Variants in GATM observed in about 807,000 individuals in gnomAD.
GATM encodes the protein glycine amidinotransferase, mitochondrial.
A neutral mutation model predicts 54.2 loss-of-function variants in GATM; 23 were observed. That is an observed-to-expected ratio of 0.42 (90% CI 0.31 to 0.60). The LOEUF (loss-of-function observed/expected upper bound fraction) is 0.60. GATM is among the 20% of genes least tolerant of loss of function. GATM has a pLI of 0.14. For missense variants in GATM, 401 were observed against 544.9 expected (o/e 0.74, Z 2.63); for synonymous variants, 168 against 183.1 (o/e 0.92, Z 0.67).
chr15:45,383,077 C>G (rs1440568639), upstream of GATM, among the ~76,000 whole-genome samples: 1 of 152,112 alleles, frequency 6.6e-6, no homozygotes, highest in African/African-American at 2.4e-5. Flanking sequence ...CCAGTATATC[C>G]CTAGCACAGT....
chr15:45,401,605 T>C (rs1326225100), intron 1 of GATM, among the ~76,000 whole-genome samples: 6 of 152,118 alleles, frequency 3.9e-5, no homozygotes, highest in Non-Finnish European at 7.4e-5. Flanking sequence ...CTTAATAACG[T>C]AGATAGGTAT....
At chr15:45,394,201 T>C (rs1032080815) in intron 3 of GATM, among the ~76,000 whole-genome samples, 5 of 152,166 alleles carry the variant, frequency 3.3e-5, no homozygotes, top group Non-Finnish European at 5.9e-5. Flanking sequence ...TCAGCAGCAT[T>C]AGATCATCAT....
chr15:45,363,703 G>GACGC (rs1889402233), intron 8 of GATM, 197 bp downstream of exon 8: 1 of 609,878 alleles, frequency 1.6e-6, no homozygotes, highest in East Asian at 2.7e-5. Context: ...AGGAGCTCAG[G>GACGC]ATGCATCTCC....
At chr15:45,363,869 T>C in intron 8 of GATM, 31 bp downstream of exon 8, 5 of 1,262,086 alleles carry the variant, frequency 4.0e-6, no homozygotes, top group South Asian at 1.2e-5. Context: ...CGTTTTCATG[T>C]ATGACAACAT....
intron 3 of GATM, among the ~76,000 whole-genome samples, chr15:45,383,763 C>T (rs775493537): frequency 6.6e-6 from 1 of 152,074 alleles, no homozygotes; most frequent in East Asian, 1.9e-4. Context: ...AGGCTGGTCT[C>T]GAACTCCTGA....
Position 45,362,226 on chromosome 15 carries a change from A to G in GATM, c.1160-5T>C. The G allele has an allele frequency of 6.5e-7, 1 of 1,540,580 alleles. No homozygotes were observed. Among genetic ancestry groups the G allele is most frequent in the Non-Finnish European group, 9.0e-7 (1 of 1,113,142 alleles). On this transcript the variant is annotated splice_polypyrimidine_tract_variant and splice_region_variant and intron_variant, in intron 8 of 8. Transcript: ENST00000396659. Reference sequence around the variant, plus strand: ...TAACTTTAATGGTAGTGATACCTGCATTGAAAGAGAGATGAGGTCAGTTAG... The same window carrying G: ...TAACTTTAATGGTAGTGATACCTGCGTTGAAAGAGAGATGAGGTCAGTTAG...
intron 3 of GATM, among the ~76,000 whole-genome samples, chr15:45,385,039 C>G (rs67744121): frequency 0.32 from 48,679 of 152,066 alleles, 8,900 homozygotes; most frequent in East Asian, 0.83. Flanking sequence ...ACTGGTTGTG[C>G]TAGTCAGACA....
At chr15:45,377,118 T>C in intron 1 of GATM, 1 of 476,376 alleles carries the variant, frequency 2.1e-6, no homozygotes, top group Non-Finnish European at 4.0e-6. Flanking sequence ...CAGAATGCAA[T>C]TCCTGCACTC....
At position 45,376,582 on chromosome 15, in the gene GATM, G is replaced by C. The variant is rs1162718544; in HGVS notation, c.288+19C>G. 1 of 1,610,780 alleles carries C rather than the reference G, an allele frequency of 6.2e-7. No homozygotes were observed. The highest frequency in any genetic ancestry group is 1.3e-5 in the African/African-American group (1 of 74,868). On this transcript the variant is annotated intron_variant, in intron 2 of 8. Coordinates refer to ENST00000396659, the MANE Select transcript of GATM (RefSeq NM_001482.3). ...GAGGAGGGAGCGCACTTTCAGACAT[G>C]TGAATAGCCTTCCTTTACCTTCACC...
At chr15:45,377,273 T>C (rs1253872576) in intron 1 of GATM, 1 of 464,232 alleles carries the variant, frequency 2.2e-6, no homozygotes, top group South Asian at 1.6e-5. Flanking sequence ...TTAGGCTTTT[T>C]ATTTATTTTT....
chr15:45,378,467 C>G lies in GATM; in HGVS notation c.-14G>C, dbSNP rs746950922. 18 of 1,433,612 alleles carry G rather than the reference C, an allele frequency of 1.3e-5. No homozygotes were observed. Among genetic ancestry groups the G allele is most frequent in the Non-Finnish European group, 1.6e-5 (18 of 1,099,916 alleles). The allele number at this position is 1,433,612 out of a possible 1,614,324, so 88.8% of individuals were successfully genotyped here. ...CACCCGCAGCATCGCCCTGGCCCGG[C>G]TGGTCCACGCGCGGAATGTTCCTGG... is the stretch of plus-strand genomic sequence containing the variant. On this transcript the variant is annotated 5_prime_UTR_variant, in exon 1 of 9. Transcript: ENST00000396659.
At chr15:45,389,096 A>T (rs1889839163) in intron 3 of GATM, among the ~76,000 whole-genome samples, 1 of 152,242 alleles carries the variant, frequency 6.6e-6, no homozygotes, top group South Asian at 2.1e-4. Context: ...TCCTTAGGGG[A>T]TATCATCATG....
At chr15:45,392,936 C>A (rs1009194073) in intron 3 of GATM, among the ~76,000 whole-genome samples, 4 of 152,132 alleles carry the variant, frequency 2.6e-5, no homozygotes, top group Admixed American at 6.5e-5. Flanking sequence ...TGACATAGAA[C>A]AATCTCTAGC....
intron 2 of GATM, 54 bp from the exon 3 acceptor site, chr15:45,369,575 G>C: frequency 6.7e-7 from 1 of 1,503,314 alleles, no homozygotes; most frequent in Non-Finnish European, 9.2e-7. Flanking sequence ...TACAGCTCAT[G>C]ATAGGTTCAT....
chr15:45,377,005 CTTGT>C (rs762238340), intron 1 of GATM, 186 bp from the exon 2 acceptor site: 2 of 639,494 alleles, frequency 3.1e-6, no homozygotes, highest in South Asian at 3.6e-5. Context: ...TTTTAACCCT[CTTGT>C]TTATCTACAA....
chr15:45,390,245 C>T (rs1889856159), intron 3 of GATM, among the ~76,000 whole-genome samples: 2 of 152,176 alleles, frequency 1.3e-5, no homozygotes, highest in African/African-American at 4.8e-5. Flanking sequence ...TCCCACACAC[C>T]AAATATTGTG....
upstream of GATM, chr15:45,379,045 C>T (rs558094098): frequency 1.3e-5 from 2 of 152,190 alleles, no homozygotes; most frequent in African/African-American, 4.8e-5. Flanking sequence ...GCCATTTGTT[C>T]CCCGGGGAGG....
intron 8 of GATM, chr15:45,363,624 T>C: frequency 1.9e-6 from 1 of 531,040 alleles, no homozygotes; most frequent in Non-Finnish European, 3.3e-6. Flanking sequence ...GGTGGTTTTC[T>C]GCACATGGGC....
chr15:45,364,174 G>C, intron 7 of GATM, 158 bp from the exon 8 acceptor site: 1 of 649,380 alleles, frequency 1.5e-6, no homozygotes, highest in Non-Finnish European at 2.8e-6. Flanking sequence ...ATCTATAAAT[G>C]GTATGAATCA....
Sources: allele counts gnomAD v4.1 joint callset (sites outside exome capture counted in the v4.1 genomes callset), GRCh38; gene constraint gnomAD v4.1.1; transcripts MANE v1.5; gene names NCBI Gene and HGNC (gene_info 2026-07-23, HGNC 2026-07-21).